SORCS1: variants seen among roughly 807,000 people sequenced by gnomAD.
The protein encoded by SORCS1 is sortilin related VPS10 domain containing receptor 1.
In SORCS1, 60 loss-of-function variants were observed where a neutral mutation model predicts 146.1. The ratio of observed to expected loss-of-function variants is 0.41; its 90% CI spans 0.33 to 0.51. The LOEUF is 0.51. Among genes scored for constraint, SORCS1 ranks in the 20% least tolerant of loss-of-function variants. The pLI, the probability that SORCS1 is intolerant of heterozygous loss-of-function variation, is 0.21. For missense variants in SORCS1, 1,352 were observed against 1,487.6 expected (o/e 0.91, Z 1.50); for synonymous variants, 637 against 584.0 (o/e 1.09, Z -1.31).
rs747149092 is a variant in SORCS1 at position 106,671,360 on chromosome 10, G to C, written c.2066C>G (p.Ala689Gly). 6.2e-7 allele frequency: 1 copy of C among 1,613,968 alleles called. No homozygotes were observed. Among genetic ancestry groups the C allele is most frequent in the African/African-American group, 1.3e-5 (1 of 75,002 alleles). ...RPWQLHSQGE[A>G]CIMGAKRIYK... ...TATCCTTTTTGCTCCCATGATACAT[G>C]CTTCCCCCTGTAAGCAGAGAAGGAT... is the stretch of plus-strand genomic sequence containing the variant. Residue 689 changes from alanine to glycine, a missense_variant, in exon 16 of 26, where the codon GCA (alanine) becomes GGA (glycine). Transcript: ENST00000263054.
At chr10:106,648,051 T>A (rs1471423369) in intron 18 of SORCS1, among the ~76,000 whole-genome samples, 2 of 151,958 alleles carry the variant, frequency 1.3e-5, no homozygotes, top group African/African-American at 4.8e-5. Flanking sequence ...TAATTATTTT[T>A]ATTTTTTTGG....
intron 8 of SORCS1, 60 bp from the exon 9 acceptor site, chr10:106,699,453 G>A: frequency 6.8e-7 from 1 of 1,468,384 alleles, no homozygotes; most frequent in South Asian, 1.4e-5. Flanking sequence ...AACCTGGCAG[G>A]CATCCAAAGA....
chr10:106,767,478 C>CTT (rs1168185972), intron 4 of SORCS1, among the ~76,000 whole-genome samples: 1 of 151,672 alleles, frequency 6.6e-6, no homozygotes, highest in Non-Finnish European at 1.5e-5. Context: ...CTTAAAGATT[C>CTT]TTATATATTT....
At chr10:106,600,331 CAG>C in intron 23 of SORCS1, 2 of 969,630 alleles carry the variant, frequency 2.1e-6, no homozygotes, top group Non-Finnish European at 2.5e-6. Context: ...TATCTGGTAA[CAG>C]AAAGTACGTT....
intron 2 of SORCS1, among the ~76,000 whole-genome samples, chr10:106,837,798 T>C (rs2137094183): frequency 6.6e-6 from 1 of 152,132 alleles, no homozygotes; most frequent in Admixed American, 6.6e-5. Flanking sequence ...AAAGGTTTTT[T>C]TCCAGATACC....
intron 2 of SORCS1, among the ~76,000 whole-genome samples, chr10:106,892,320 G>A (rs1708673000): frequency 6.6e-6 from 1 of 152,168 alleles, no homozygotes; most frequent in African/African-American, 2.4e-5. Flanking sequence ...TAAGTCACCT[G>A]GAGTTTGACT....
chr10:106,911,275 C>A (rs1952136915), intron 2 of SORCS1, among the ~76,000 whole-genome samples: 1 of 152,176 alleles, frequency 6.6e-6, no homozygotes, highest in South Asian at 2.1e-4. Context: ...CATTCATAAG[C>A]TCCCTGGTTG....
chr10:107,035,038 C>G (rs186242568), intron 1 of SORCS1, among the ~76,000 whole-genome samples: 1 of 151,976 alleles, frequency 6.6e-6, no homozygotes, highest in East Asian at 1.9e-4. Flanking sequence ...TAATCAAGAA[C>G]ACAAATGCAT....
intron 1 of SORCS1, among the ~76,000 whole-genome samples, chr10:107,142,774 G>T (rs1248847228): frequency 3.9e-5 from 6 of 152,102 alleles, no homozygotes; most frequent in Non-Finnish European, 8.8e-5. Context: ...TTATGGAACA[G>T]ATAAGGCCTT....
intron 17 of SORCS1, among the ~76,000 whole-genome samples, chr10:106,656,762 C>T (rs1850327249): frequency 6.6e-6 from 1 of 151,688 alleles, no homozygotes; most frequent in African/African-American, 2.4e-5. Context: ...TAGATCTCAA[C>T]CCCGTCTACC....
At chr10:106,966,237 G>A (rs760750967) in intron 1 of SORCS1, among the ~76,000 whole-genome samples, 3 of 152,126 alleles carry the variant, frequency 2.0e-5, no homozygotes, top group Non-Finnish European at 4.4e-5. Context: ...CTCCAGAGGA[G>A]AGTTGAAAGG....
intron 8 of SORCS1, among the ~76,000 whole-genome samples, chr10:106,704,659 C>G (rs1185452481): frequency 1.3e-5 from 2 of 152,186 alleles, no homozygotes; most frequent in African/African-American, 4.8e-5. Flanking sequence ...CACTGCACTC[C>G]AGCCTGGGTG....
In SORCS1 at chr10:106,597,332, C is replaced by G. The variant is rs374225151; in HGVS notation, c.3265+19G>C. ...TTTGCCAGAGCCACCAGCCAGAACC[C>G]CGGGACATGGACACTGACCCGCTGT... On this transcript the variant is annotated intron_variant, in intron 24 of 25. Transcript: ENST00000263054. 85 of 1,609,250 alleles carry G rather than the reference C, an allele frequency of 5.3e-5. No homozygotes were observed. The highest frequency in any genetic ancestry group is 6.1e-5 in the Non-Finnish European group (72 of 1,175,966).
intron 2 of SORCS1, among the ~76,000 whole-genome samples, chr10:106,882,765 C>G (rs1950853687): frequency 6.6e-6 from 1 of 152,058 alleles, no homozygotes; most frequent in South Asian, 2.1e-4. Flanking sequence ...AAGGGATTCA[C>G]TAGAGAATTT....
intron 1 of SORCS1, among the ~76,000 whole-genome samples, chr10:107,007,659 G>A (rs1296878119): frequency 3.3e-5 from 5 of 152,218 alleles, no homozygotes; most frequent in Non-Finnish European, 7.3e-5. Flanking sequence ...TGGTAACACA[G>A]AAATAGGTAA....
At chr10:106,946,064 T>C (rs1037640267) in intron 2 of SORCS1, among the ~76,000 whole-genome samples, 2 of 152,212 alleles carry the variant, frequency 1.3e-5, no homozygotes, top group East Asian at 1.9e-4. Context: ...TTGACAGCAA[T>C]GTCATGGAAT....
At position 106,884,669 on chromosome 10, in the gene SORCS1, G is replaced by A. The variant is rs150690216; in HGVS notation, c.627-54996C>T. 7.2e-5 allele frequency among the ~76,000 whole-genome samples: 11 copies of A among 152,190 alleles called. No homozygotes were observed. In the South Asian group the frequency reaches 8.3e-4, roughly 11 times the overall value. On this transcript the variant is annotated intron_variant, in intron 2 of 25. Coordinates refer to ENST00000263054, the MANE Select transcript of SORCS1 (RefSeq NM_052918.5). Reference sequence around the variant, plus strand: ...AAATTCTCCTCCACTTGTCTGCTGCGTGAACACTTTCAATGCTGAATATCA... The same window carrying A: ...AAATTCTCCTCCACTTGTCTGCTGCATGAACACTTTCAATGCTGAATATCA...
chr10:107,071,290 C>G (rs1962401710), intron 1 of SORCS1, among the ~76,000 whole-genome samples: 2 of 151,974 alleles, frequency 1.3e-5, no homozygotes, highest in African/African-American at 2.4e-5. Flanking sequence ...CTTTTTTTAT[C>G]CATCTATATC....
chr10:107,164,312 A>T lies in SORCS1; in HGVS notation c.215T>A (p.Leu72His). The T allele has an allele frequency of 6.4e-7, 1 of 1,569,176 alleles. No homozygotes were observed. Among genetic ancestry groups the T allele is most frequent in the Non-Finnish European group, 8.6e-7 (1 of 1,161,036 alleles). The change falls in exon 1 of 26, where the codon CTC becomes CAC. Residue 72 changes from leucine to histidine, a missense_variant. By Grantham distance (99) the Leu-to-His change is moderately conservative. Around this residue, in one of 3 missense-constraint regions of SORCS1, gnomAD observed 490 missense variants for 489.1 expected, o/e 1.00. Coordinates refer to ENST00000263054, the MANE Select transcript of SORCS1 (RefSeq NM_052918.5). This position sits in a 1 kb window ranked among gnomAD's most constrained non-coding sequence, Gnocchi z 6.8. ...CACTGAGAACAGGGGACGCACTACG[A>T]GGGGCAGGGGCGTGGCAGGAGCCCT... ...PGRAPATPLP[L>H]VVRPLFSVAP... is the part of the protein sequence containing the mutation.
Sources: allele counts gnomAD v4.1 joint callset (sites outside exome capture counted in the v4.1 genomes callset), GRCh38; gene constraint gnomAD v4.1.1; regional missense constraint gnomAD v4.1.1; non-coding constraint Gnocchi (gnomAD v3.1); transcripts MANE v1.5; gene names NCBI Gene and HGNC (gene_info 2026-07-23, HGNC 2026-07-21).